Variants in EGFLAM observed in about 807,000 individuals in gnomAD.
EGFLAM encodes pikachurin.
In EGFLAM, 79 loss-of-function variants were observed where a neutral mutation model predicts 113.1. The ratio of observed to expected loss-of-function variants is 0.70; its 90% CI spans 0.58 to 0.84. The LOEUF (loss-of-function observed/expected upper bound fraction) is 0.84. Ranked by LOEUF, EGFLAM falls within the 40% of genes least tolerant of loss-of-function variation. EGFLAM has a pLI of 0.00. For missense variants in EGFLAM, 1,265 were observed against 1,291.6 expected, an observed-to-expected ratio of 0.98 and a Z score of 0.32; for synonymous variants, 504 against 487.6, an observed-to-expected ratio of 1.03 and a Z score of -0.44.
chr5:38,284,457 G>A (rs1297064159), intron 1 of EGFLAM, among the ~76,000 whole-genome samples: 1 of 152,174 alleles, frequency 6.6e-6, no homozygotes, highest in Non-Finnish European at 1.5e-5. Flanking sequence ...GTGCATGATT[G>A]CTTTTCAATA....
intron 1 of EGFLAM, among the ~76,000 whole-genome samples, chr5:38,301,494 T>A (rs1758577907): frequency 6.6e-6 from 1 of 151,878 alleles, no homozygotes; most frequent in Non-Finnish European, 1.5e-5. Context: ...TCGGAGACAG[T>A]GGGTATAGAT....
At chr5:38,266,578 T>C (rs572076829) in intron 1 of EGFLAM, among the ~76,000 whole-genome samples, 44 of 152,354 alleles carry the variant, frequency 2.9e-4, no homozygotes, top group African/African-American at 1.1e-3. Context: ...ACTTTTATTC[T>C]TTTCTATAGG....
chr5:38,336,993 CTG>C (rs1371436538), intron 1 of EGFLAM, among the ~76,000 whole-genome samples: 2 of 152,176 alleles, frequency 1.3e-5, no homozygotes, highest in Non-Finnish European at 1.5e-5. Flanking sequence ...ATCTTATCAT[CTG>C]TAACTATGAA....
In EGFLAM at chr5:38,337,639, C is replaced by T. The variant is rs772637164; in HGVS notation, c.207+10C>T. 2.5e-5 allele frequency: 40 copies of T among 1,584,556 alleles called. No homozygotes were observed. In the Middle Eastern group the frequency reaches 1.1e-3, roughly 45 times the overall value. ...CATCCTTGGGTACACTGTGAGTACACGGGCATGGGAGTTTCCTCGGTGGGT... is the reference window on the plus strand; with the variant it reads ...CATCCTTGGGTACACTGTGAGTACATGGGCATGGGAGTTTCCTCGGTGGGT... On this transcript the variant is annotated intron_variant, in intron 2 of 21. Transcript: ENST00000322350.
chr5:38,312,046 T>A (rs1346414892), intron 1 of EGFLAM, among the ~76,000 whole-genome samples: 1 of 152,178 alleles, frequency 6.6e-6, no homozygotes, highest in Non-Finnish European at 1.5e-5. Context: ...AAAGCCTGTT[T>A]TCTCATTTAT....
intron 1 of EGFLAM, among the ~76,000 whole-genome samples, chr5:38,276,759 A>G (rs1757897811): frequency 1.3e-5 from 2 of 152,176 alleles, no homozygotes; most frequent in South Asian, 4.1e-4. Flanking sequence ...CCACAGAAAC[A>G]CAAAGATCAC....
intron 1 of EGFLAM, among the ~76,000 whole-genome samples, chr5:38,313,560 A>C (rs1394797959): frequency 1.3e-5 from 2 of 152,254 alleles, no homozygotes; most frequent in African/African-American, 4.8e-5. Flanking sequence ...AGTATATTTT[A>C]AAGAGTCATC....
At chr5:38,295,280 T>C (rs1758426582) in intron 1 of EGFLAM, among the ~76,000 whole-genome samples, 2 of 152,352 alleles carry the variant, frequency 1.3e-5, no homozygotes, top group East Asian at 3.9e-4. Context: ...ACAAAGTTTA[T>C]TGAATATTGC....
chr5:38,394,674 G>T lies in EGFLAM; in HGVS notation c.713-11452G>T, dbSNP rs1437137438. Among the ~76,000 whole-genome samples the T allele has an allele frequency of 2.7e-5, 4 of 148,018 alleles. No individual in the cohort carries two copies. The East Asian group carries it at 8.1e-4, about 30-fold the overall frequency. On this transcript the variant is annotated intron_variant, in intron 6 of 21. Transcript: ENST00000322350. ...TCCACCCGCCTCGGCCTCCCAAAGT[G>T]CTGGGATTACAGGCGTGAGCCACCG... is the stretch of plus-strand genomic sequence containing the variant.
chr5:38,273,632 G>C (rs1412740140), intron 1 of EGFLAM, among the ~76,000 whole-genome samples: 2 of 152,182 alleles, frequency 1.3e-5, no homozygotes, highest in Admixed American at 6.5e-5. Context: ...GGGCTTAGAG[G>C]GCCCCCACGC....
rs577786383 is a variant in EGFLAM at position 38,314,497 on chromosome 5, T to C, written c.98-23023T>C. Among the ~76,000 whole-genome samples the C allele has an allele frequency of 8.3e-4, 127 of 152,344 alleles. 1 individual carries two copies. The highest frequency in any genetic ancestry group is 1.2e-3 in the South Asian group (6 of 4,828). ...GCCTGATAGTTTTGTTCTCCTTGCCTGTCTTTGGACCCTGAACAGATCACA... is the reference window on the plus strand; with the variant it reads ...GCCTGATAGTTTTGTTCTCCTTGCCCGTCTTTGGACCCTGAACAGATCACA... On this transcript the variant is annotated intron_variant, in intron 1 of 21. Transcript: ENST00000322350.
chr5:38,406,694 C>A, intron 7 of EGFLAM, 134 bp from the exon 8 acceptor site: 1 of 760,226 alleles, frequency 1.3e-6, no homozygotes, highest in Non-Finnish European at 2.1e-6. Flanking sequence ...AGAGTCAGTG[C>A]TGTCTTCCCC....
chr5:38,324,288 C>A (rs899919257), intron 1 of EGFLAM, among the ~76,000 whole-genome samples: 3 of 152,116 alleles, frequency 2.0e-5, no homozygotes, highest in African/African-American at 4.8e-5. Context: ...GTTTCTCTGG[C>A]CTTTCTGGGT....
At chr5:38,439,993 T>C (rs1209888790) in intron 17 of EGFLAM, among the ~76,000 whole-genome samples, 5 of 152,246 alleles carry the variant, frequency 3.3e-5, no homozygotes, top group African/African-American at 1.2e-4. Flanking sequence ...TTGTTAGCCC[T>C]CATTTCCTGC....
intron 3 of EGFLAM, among the ~76,000 whole-genome samples, chr5:38,341,276 C>T (rs1468342645): frequency 1.3e-5 from 2 of 152,222 alleles, no homozygotes; most frequent in Non-Finnish European, 2.9e-5. Context: ...ACTCACAGTT[C>T]TGCATGGCTG....
At chr5:38,444,375 G>A (rs1742641862) in intron 17 of EGFLAM, among the ~76,000 whole-genome samples, 1 of 152,148 alleles carries the variant, frequency 6.6e-6, no homozygotes, top group Non-Finnish European at 1.5e-5. Flanking sequence ...GGAGATAGGA[G>A]AAATAAATTC....
chr5:38,312,154 C>G (rs1021869951), intron 1 of EGFLAM, among the ~76,000 whole-genome samples: 1 of 152,040 alleles, frequency 6.6e-6, no homozygotes, highest in Non-Finnish European at 1.5e-5. Context: ...GGCTTTGGAG[C>G]CAATCTGTCT....
chr5:38,358,162 C>T (rs900076911), intron 5 of EGFLAM, among the ~76,000 whole-genome samples: 11 of 151,612 alleles, frequency 7.3e-5, no homozygotes, highest in African/African-American at 2.4e-4. Context: ...AAAGATTAAC[C>T]TGGCCGGGCG....
intron 1 of EGFLAM, among the ~76,000 whole-genome samples, chr5:38,275,816 G>A (rs1385106629): frequency 6.6e-6 from 1 of 151,996 alleles, no homozygotes; most frequent in East Asian, 1.9e-4. Context: ...TATATATTAG[G>A]CCACAAAACA....
Sources: allele counts gnomAD v4.1 joint callset (sites outside exome capture counted in the v4.1 genomes callset), GRCh38; gene constraint gnomAD v4.1.1; transcripts MANE v1.5; gene names NCBI Gene and HGNC (gene_info 2026-07-23, HGNC 2026-07-21).